RNF111: variants seen among roughly 807,000 people sequenced by gnomAD.
The protein encoded by RNF111 is ring finger protein 111.
RNF111 carries 17 observed loss-of-function variants against 95.1 expected under a neutral mutation model. The observed-to-expected ratio is 0.18, with a 90% CI of 0.12 to 0.27. The LOEUF (loss-of-function observed/expected upper bound fraction) is 0.27, where lower values mean the gene tolerates loss of function less well. Ranked by LOEUF, RNF111 falls within the 10% of genes least tolerant of loss-of-function variation. The pLI, the probability that RNF111 is intolerant of heterozygous loss-of-function variation, is 1.00. For synonymous variants in RNF111, 440 were observed against 414.8 expected (o/e 1.06, Z -0.74); for missense variants, 1,189 against 1,210.4 (o/e 0.98, Z 0.26).
intron 5 of RNF111, among the ~76,000 whole-genome samples, chr15:59,063,814 T>A (rs1270342211): frequency 6.6e-6 from 1 of 152,198 alleles, no homozygotes; most frequent in East Asian, 1.9e-4. Context: ...GTCAACGTAA[T>A]CCTCAAATAA....
chr15:58,988,983 G>A (rs1238408223), intron 1 of RNF111, among the ~76,000 whole-genome samples: 2 of 151,942 alleles, frequency 1.3e-5, no homozygotes, highest in Non-Finnish European at 2.9e-5. Flanking sequence ...CTTGTTTTAG[G>A]GGCCTCTTGA....
intron 2 of RNF111, among the ~76,000 whole-genome samples, chr15:59,038,911 T>C (rs532957445): frequency 6.6e-6 from 1 of 152,274 alleles, no homozygotes; most frequent in South Asian, 2.1e-4. Flanking sequence ...TTCTGTAATG[T>C]TTTTTAGCAG....
At chr15:59,010,599 A>C (rs1305898424) in intron 1 of RNF111, among the ~76,000 whole-genome samples, 1 of 152,076 alleles carries the variant, frequency 6.6e-6, no homozygotes, top group Non-Finnish European at 1.5e-5. Flanking sequence ...ACAGGGTTTT[A>C]CCATGTTGAC....
intron 9 of RNF111, among the ~76,000 whole-genome samples, chr15:59,085,101 C>A (rs547551921): frequency 1.3e-5 from 2 of 152,314 alleles, no homozygotes; most frequent in South Asian, 4.1e-4. Context: ...TGTGGGCATT[C>A]ATTGAGATCT....
intron 1 of RNF111, among the ~76,000 whole-genome samples, chr15:58,993,371 T>A (rs777167602): frequency 2.0e-5 from 3 of 151,300 alleles, no homozygotes; most frequent in Non-Finnish European, 4.4e-5. Flanking sequence ...AAAAAAAATA[T>A]AACTGTAAAT....
At chr15:59,039,145 G>A (rs1347263508) in intron 2 of RNF111, among the ~76,000 whole-genome samples, 4 of 151,970 alleles carry the variant, frequency 2.6e-5, no homozygotes, top group African/African-American at 9.7e-5. Context: ...TTTATTTTTA[G>A]TAGAGATGAG....
intron 13 of RNF111, 144 bp downstream of exon 13, chr15:59,092,784 A>C (rs2079088168): frequency 1.4e-6 from 1 of 692,090 alleles, no homozygotes; most frequent in African/African-American, 1.9e-5. Flanking sequence ...TCTTGAGGCC[A>C]GGAGTTTGAG....
chr15:58,992,778 C>T (rs994986518), intron 1 of RNF111, among the ~76,000 whole-genome samples: 2 of 152,110 alleles, frequency 1.3e-5, no homozygotes, highest in Non-Finnish European at 2.9e-5. Context: ...CGAGATTGTG[C>T]CACTGCATTC....
intron 2 of RNF111, among the ~76,000 whole-genome samples, chr15:59,051,620 T>A (rs1200295518): frequency 6.6e-6 from 1 of 151,612 alleles, no homozygotes; most frequent in Non-Finnish European, 1.5e-5. Flanking sequence ...TACTAAAAAA[T>A]TAGCCTGGTG....
chr15:58,995,003 A>G (rs2038992655), intron 1 of RNF111, among the ~76,000 whole-genome samples: 2 of 152,194 alleles, frequency 1.3e-5, no homozygotes, highest in African/African-American at 4.8e-5. Context: ...TTTTCCTCAT[A>G]GGACCCAGTT....
intron 2 of RNF111, chr15:59,049,619 G>C (rs1306006183): frequency 6.5e-6 from 1 of 154,220 alleles, no homozygotes; most frequent in African/African-American, 2.4e-5. Flanking sequence ...AATTCTTTTG[G>C]CAAGAATTTC....
intron 1 of RNF111, among the ~76,000 whole-genome samples, chr15:59,023,739 C>A (rs1397808445): frequency 1.3e-5 from 2 of 151,852 alleles, no homozygotes; most frequent in Non-Finnish European, 2.9e-5. Flanking sequence ...TTTTTTTCTT[C>A]CAGATTTTAA....
chr15:59,035,084 A>C (rs1243553515), intron 2 of RNF111, among the ~76,000 whole-genome samples: 1 of 152,150 alleles, frequency 6.6e-6, no homozygotes, highest in African/African-American at 2.4e-5. Flanking sequence ...GGCAAGAGAG[A>C]GATTGTGCAG....
chr15:59,069,102 A>G (rs942016233), intron 6 of RNF111, among the ~76,000 whole-genome samples: 1 of 149,428 alleles, frequency 6.7e-6, no homozygotes, highest in Non-Finnish European at 1.5e-5. Flanking sequence ...AAGGAGTTGT[A>G]TTCTCTTTGA....
chr15:58,996,105 T>G (rs189716460), intron 1 of RNF111, among the ~76,000 whole-genome samples: 1 of 152,112 alleles, frequency 6.6e-6, no homozygotes, highest in East Asian at 1.9e-4. Flanking sequence ...AAATACATAA[T>G]GAGTTATGTT....
intron 7 of RNF111, among the ~76,000 whole-genome samples, chr15:59,077,882 G>A (rs2078612129): frequency 6.6e-6 from 1 of 152,300 alleles, no homozygotes; most frequent in African/African-American, 2.4e-5. Context: ...TGATAACTCT[G>A]TTTTGGGCTT....
chr15:59,027,897 C>G (rs1160509292), intron 1 of RNF111, among the ~76,000 whole-genome samples: 1 of 150,336 alleles, frequency 6.7e-6, no homozygotes, highest in Non-Finnish European at 1.5e-5. Context: ...GTGATCTCAG[C>G]TCACTACAAC....
At chr15:59,084,426 G>T in intron 9 of RNF111, 172 bp downstream of exon 9, 2 of 513,898 alleles carry the variant, frequency 3.9e-6, no homozygotes, top group Admixed American at 8.5e-5. Flanking sequence ...GAAAGAATAG[G>T]AGCTGGGGCA....
Position 59,096,778 on chromosome 15 carries a change from G to A in RNF111, c.*1878G>A, listed in dbSNP as rs2079182319. The A allele has an allele frequency of 6.6e-6, 1 of 152,198 alleles. No individual in the cohort carries two copies. The highest frequency in any genetic ancestry group is 6.5e-5 in the Admixed American group (1 of 15,270). The allele number at this position is 152,198 out of a possible 1,614,324, so 9.4% of individuals were successfully genotyped here. A position where few individuals can be genotyped will look rare whatever the true frequency, so the allele number is the denominator to read the frequency against. ...TAGCCTGTCTTCCTTTAAGTAAGTA[G>A]CCTGTAATGGATGTACTACTTTGCC... On this transcript the variant is annotated 3_prime_UTR_variant, in exon 14 of 14. Coordinates refer to ENST00000348370, the MANE Select transcript of RNF111 (RefSeq NM_017610.8).
Sources: allele counts gnomAD v4.1 joint callset (sites outside exome capture counted in the v4.1 genomes callset), GRCh38; gene constraint gnomAD v4.1.1; transcripts MANE v1.5; gene names NCBI Gene and HGNC (gene_info 2026-07-23, HGNC 2026-07-21).